AFF3: variants seen among roughly 807,000 people sequenced by gnomAD.
The protein encoded by AFF3 is ALF transcription elongation factor 3, also known as AF4/FMR2 family member 3.
AFF3 carries 32 observed loss-of-function variants against 129.7 expected under a neutral mutation model. The ratio of observed to expected loss-of-function variants is 0.25; its 90% CI spans 0.19 to 0.33. AFF3 has a LOEUF of 0.33. AFF3 is among the 10% of genes least tolerant of loss of function. The probability of loss-of-function intolerance (pLI) is 1.00; values close to 1 mark genes in which losing one functional copy is unlikely to be tolerated. For missense variants in AFF3, 1,373 were observed against 1,592.0 expected (o/e 0.86, Z 2.34); for synonymous variants, 644 against 635.4 (o/e 1.01, Z -0.20).
intron 8 of AFF3, among the ~76,000 whole-genome samples, chr2:99,796,292 T>G (rs1685551699): frequency 6.6e-6 from 1 of 152,188 alleles, no homozygotes; most frequent in African/African-American, 2.4e-5. Context: ...AACTGACATA[T>G]GAATACACTG....
chr2:100,083,515 C>A (rs1242228462), intron 4 of AFF3, among the ~76,000 whole-genome samples: 1 of 152,260 alleles, frequency 6.6e-6, no homozygotes, highest in Non-Finnish European at 1.5e-5. Context: ...CTACCCTCTT[C>A]GTGCCCACCG....
chr2:99,733,255 T>C (rs572797490), intron 10 of AFF3, among the ~76,000 whole-genome samples: 1 of 151,838 alleles, frequency 6.6e-6, no homozygotes, highest in South Asian at 2.1e-4. Flanking sequence ...GGCGGGCGCC[T>C]TGTAGTCCCA....
chr2:99,986,853 A>C (rs1054348388), intron 7 of AFF3, among the ~76,000 whole-genome samples: 2 of 152,214 alleles, frequency 1.3e-5, no homozygotes, highest in Non-Finnish European at 2.9e-5. Flanking sequence ...TTCCAAGTTG[A>C]AATTATGCTG....
intron 13 of AFF3, among the ~76,000 whole-genome samples, chr2:99,620,472 C>T (rs184451915): frequency 5.6e-4 from 85 of 151,990 alleles, no homozygotes; most frequent in East Asian, 5.2e-3. Context: ...TCTGCAAAAC[C>T]AAAAAAATTT....
chr2:99,976,508 C>G (rs1223374322), intron 7 of AFF3, among the ~76,000 whole-genome samples: 1 of 152,170 alleles, frequency 6.6e-6, no homozygotes, highest in Non-Finnish European at 1.5e-5. Context: ...AAGTTCTGTT[C>G]CAGATAGAGC....
At chr2:99,901,597 C>G (rs1279310177) in intron 7 of AFF3, among the ~76,000 whole-genome samples, 1 of 152,176 alleles carries the variant, frequency 6.6e-6, no homozygotes, top group African/African-American at 2.4e-5. Context: ...CTTAGCCTCT[C>G]CTCCCTCCTC....
chr2:99,633,725 C>T (rs372413657), intron 13 of AFF3, among the ~76,000 whole-genome samples: 185 of 152,070 alleles, frequency 1.2e-3, no homozygotes, highest in African/African-American at 4.3e-3. Flanking sequence ...AGGGTGGGTT[C>T]TTACAAAGCG....
At chr2:100,055,239 G>T (rs559039587) in intron 4 of AFF3, among the ~76,000 whole-genome samples, 1 of 152,080 alleles carries the variant, frequency 6.6e-6, no homozygotes, top group Admixed American at 6.5e-5. Context: ...ACATCATCTT[G>T]TTACCTTAGG....
In AFF3 at chr2:99,649,687, A is replaced by G; in HGVS notation, c.1144-21T>C. 1.9e-6 allele frequency: 3 copies of G among 1,613,938 alleles called. No individual in the cohort carries two copies. In the African/African-American group the frequency reaches 4.0e-5, roughly 22 times the overall value. ...GCCTGCTGGAAGAAAGAAAGGGCAG[A>G]GATGTTTATTTAATATTCTGACTTT... On this transcript the variant is annotated intron_variant, in intron 12 of 24. Coordinates refer to ENST00000672756, the MANE Select transcript of AFF3 (RefSeq NM_001386135.1).
intron 12 of AFF3, among the ~76,000 whole-genome samples, chr2:99,664,833 G>A (rs149442999): frequency 6.6e-6 from 1 of 152,338 alleles, no homozygotes; most frequent in African/African-American, 2.4e-5. Context: ...AGTTTAGCTG[G>A]TGTAGACAGA....
At chr2:99,558,306 C>T (rs1575344936) in intron 22 of AFF3, among the ~76,000 whole-genome samples, 2 of 152,172 alleles carry the variant, frequency 1.3e-5, no homozygotes, top group Non-Finnish European at 2.9e-5. Context: ...ACTGGATCTT[C>T]TTTCTCTTGA....
intron 12 of AFF3, among the ~76,000 whole-genome samples, chr2:99,672,231 C>T (rs1236471503): frequency 1.5e-4 from 4 of 27,468 alleles, no homozygotes; most frequent in African/African-American, 8.6e-4. Context: ...CACACACACA[C>T]ATGAATAAAT....
At chr2:99,703,720 G>C (rs1327831898) in intron 11 of AFF3, among the ~76,000 whole-genome samples, 2 of 150,878 alleles carry the variant, frequency 1.3e-5, no homozygotes, top group African/African-American at 4.9e-5. Flanking sequence ...TTTAGAGACA[G>C]AGTCTCACTC....
At chr2:99,837,434 T>C in intron 8 of AFF3, 43 bp downstream of exon 8, 1 of 1,579,302 alleles carries the variant, frequency 6.3e-7, no homozygotes, top group African/African-American at 1.4e-5. Context: ...ATTTAGAGTC[T>C]ATGTCCCACA....
intron 2 of AFF3, among the ~76,000 whole-genome samples, chr2:100,118,136 C>T (rs1691799533): frequency 6.6e-6 from 1 of 152,196 alleles, no homozygotes; most frequent in South Asian, 2.1e-4. Flanking sequence ...ATTCTTTACT[C>T]AGTTGTTAGA....
chr2:99,703,319 T>C (rs1032983996), intron 11 of AFF3, among the ~76,000 whole-genome samples: 1 of 152,178 alleles, frequency 6.6e-6, no homozygotes, highest in Non-Finnish European at 1.5e-5. Context: ...CCACGTAAGG[T>C]AACACAATCA....
chr2:99,929,298 G>T (rs1330644459), intron 7 of AFF3, among the ~76,000 whole-genome samples: 1 of 152,046 alleles, frequency 6.6e-6, no homozygotes, highest in Admixed American at 6.6e-5. Flanking sequence ...TTGCACTCCA[G>T]CCTGGGCAAC....
intron 7 of AFF3, among the ~76,000 whole-genome samples, chr2:99,840,140 T>C (rs954507250): frequency 6.6e-6 from 1 of 152,178 alleles, no homozygotes; most frequent in Non-Finnish European, 1.5e-5. Context: ...CTCTTGGTAG[T>C]GTTCATGGAT....
chr2:99,840,029 T>TTTTTG lies in AFF3; in HGVS notation c.874-2506_874-2505insCAAAA, dbSNP rs1309893313. 7.5e-3 allele frequency among the ~76,000 whole-genome samples: 1,148 copies of TTTTTG among 152,302 alleles called. 11 individuals are homozygous for TTTTTG. Among genetic ancestry groups the TTTTTG allele is most frequent in the Middle Eastern group, 0.027 (8 of 294 alleles). ...TGTAATTGGGTTGCCTTTTTATTGTTTTATTATAGGAGTGCTTTGTATATT... is the reference window on the plus strand; with the variant it reads ...TGTAATTGGGTTGCCTTTTTATTGTTTTTTGTTATTATAGGAGTGCTTTGTATATT... On this transcript the variant is annotated intron_variant, in intron 7 of 24. Transcript: ENST00000672756.
Sources: gnomAD v4.1 joint callset for allele counts (sites outside exome capture counted in the v4.1 genomes callset) on GRCh38, gnomAD v4.1.1 for gene constraint, MANE v1.5 for transcripts, NCBI Gene and HGNC (gene_info 2026-07-23, HGNC 2026-07-21) for gene names.